Variants in TTC27 observed in about 807,000 individuals in gnomAD.
The protein encoded by TTC27 is tetratricopeptide repeat protein 27.
Under a neutral mutation model 115.9 loss-of-function variants are expected in TTC27, and 79 were observed. The observed-to-expected ratio is 0.68, with a 90% confidence interval of 0.57 to 0.82. The LOEUF is 0.82. Among genes scored for constraint, TTC27 ranks in the 40% least tolerant of loss-of-function variants. The probability of loss-of-function intolerance (pLI) is 0.00; values close to 1 mark genes in which losing one functional copy is unlikely to be tolerated. For synonymous variants in TTC27, 401 were observed against 356.0 expected, an observed-to-expected ratio of 1.13 and a Z score of -1.42; for missense variants, 1,054 against 993.1, an observed-to-expected ratio of 1.06 and a Z score of -0.82.
chr2:32,800,520 CAG>C (rs754285937), intron 16 of TTC27, among the ~76,000 whole-genome samples: 12 of 150,496 alleles, frequency 8.0e-5, no homozygotes, highest in Non-Finnish European at 1.8e-4. Flanking sequence ...TTTTTTGAGA[CAG>C]AGTCTCGCTC....
intron 13 of TTC27, among the ~76,000 whole-genome samples, chr2:32,764,430 T>G (rs1202611103): frequency 2.6e-5 from 4 of 152,216 alleles, no homozygotes; most frequent in Non-Finnish European, 5.9e-5. Context: ...TACCTTAATT[T>G]AAACCTACTT....
intron 10 of TTC27, among the ~76,000 whole-genome samples, chr2:32,717,283 A>AT (rs1187493067): frequency 2.0e-5 from 3 of 151,982 alleles, no homozygotes; most frequent in Non-Finnish European, 2.9e-5. Context: ...CTATATGTTG[A>AT]TTTTTTTAAA....
chr2:32,666,638 C>T lies in TTC27; in HGVS notation c.809C>T (p.Ala270Val). The T allele has an allele frequency of 6.2e-7, 1 of 1,613,432 alleles. No homozygotes were observed. The change falls in exon 7 of 20, where the codon GCT (alanine) becomes GTT (valine). Residue 270 changes from alanine to valine, a missense_variant. Coordinates refer to ENST00000317907, the MANE Select transcript of TTC27 (RefSeq NM_017735.5). ...ISQLQIDLTG[A>V]LGKRTRFQEN... ...TATAATTTTATTGTTTTTTCAGGTG[C>T]TTTGGGAAAAAGAACACGGTTCCAG...
intron 16 of TTC27, among the ~76,000 whole-genome samples, chr2:32,809,559 G>A (rs115088103): frequency 0.01 from 1,529 of 152,284 alleles, 24 homozygotes; most frequent in African/African-American, 0.035. Context: ...AACAAGCTCT[G>A]ATGCCAGTGC....
chr2:32,803,068 C>T (rs1486113780), intron 16 of TTC27, among the ~76,000 whole-genome samples: 1 of 152,230 alleles, frequency 6.6e-6, no homozygotes, highest in African/African-American at 2.4e-5. Flanking sequence ...TGTGACCTTC[C>T]TGGTGAGGCT....
intron 7 of TTC27, among the ~76,000 whole-genome samples, chr2:32,669,008 G>A (rs1665906121): frequency 6.6e-6 from 1 of 152,118 alleles, no homozygotes; most frequent in Admixed American, 6.6e-5. Flanking sequence ...GAACCCGGGA[G>A]GCGGAGCTTG....
At chr2:32,786,381 C>T (rs1339245694) in intron 15 of TTC27, among the ~76,000 whole-genome samples, 2 of 152,110 alleles carry the variant, frequency 1.3e-5, no homozygotes, top group East Asian at 1.9e-4. Context: ...TCAGGTGATC[C>T]ACCCACCTCA....
chr2:32,657,751 C>G (rs1275664133), intron 5 of TTC27, among the ~76,000 whole-genome samples: 1 of 152,116 alleles, frequency 6.6e-6, no homozygotes, highest in African/African-American at 2.4e-5. Flanking sequence ...GGATTCACAT[C>G]CTGGCATTGC....
chr2:32,789,921 CAAAAAA>C (rs34859954), intron 16 of TTC27, among the ~76,000 whole-genome samples: 1 of 25,936 alleles, frequency 3.9e-5, no homozygotes, highest in African/African-American at 1.8e-4. Context: ...ACCCTGTCTC[CAAAAAA>C]AAAAAAAAAA....
chr2:32,655,436 A>C (rs372840612), intron 5 of TTC27, among the ~76,000 whole-genome samples: 1 of 152,194 alleles, frequency 6.6e-6, no homozygotes. Context: ...ATAAGCCACC[A>C]TGCCCAGCCT....
chr2:32,708,175 TCTC>T (rs1002785316), intron 10 of TTC27, among the ~76,000 whole-genome samples: 17 of 151,940 alleles, frequency 1.1e-4, no homozygotes, highest in Non-Finnish European at 2.5e-4. Context: ...TCCTTTTGCT[TCTC>T]CTCCTCAGCC....
chr2:32,723,854 C>T (rs1459700997), intron 10 of TTC27, among the ~76,000 whole-genome samples: 1 of 150,912 alleles, frequency 6.6e-6, no homozygotes, highest in African/African-American at 2.4e-5. Flanking sequence ...GGCTGGAGTG[C>T]AGTGGCATAA....
Position 32,633,862 on chromosome 2 carries a change from A to T in TTC27, c.267-14A>T, listed in dbSNP as rs77790093. The T allele has an allele frequency of 1.2e-6, 2 of 1,610,672 alleles. No homozygotes were observed. Among genetic ancestry groups the T allele is most frequent in the South Asian group, 2.2e-5 (2 of 90,122 alleles). On this transcript the variant is annotated splice_polypyrimidine_tract_variant and intron_variant, in intron 2 of 19. Transcript: ENST00000317907. ...GTAGTTCATATTTATTTCTTTAACC[A>T]TTCTTATATGCAGACAACAGTTGAT...
chr2:32,753,039 G>A (rs1275426023), intron 12 of TTC27, among the ~76,000 whole-genome samples: 1 of 152,178 alleles, frequency 6.6e-6, no homozygotes, highest in Non-Finnish European at 1.5e-5. Context: ...ACTGAGCAGT[G>A]GTCTGGCATT....
At position 32,641,608 on chromosome 2, in the gene TTC27, A is replaced by C. The variant is rs190714916; in HGVS notation, c.537+1198A>C. 2.7e-3 allele frequency among the ~76,000 whole-genome samples: 413 copies of C among 152,346 alleles called. 6 individuals are homozygous for C. Among genetic ancestry groups the C allele is most frequent in the African/African-American group, 9.4e-3 (389 of 41,592 alleles). ...GGTGTGCTGCAGACCCCATAGTGTC[A>C]GAAATAGTACATCTAAATTTTATGT... On this transcript the variant is annotated intron_variant, in intron 4 of 19. Coordinates refer to ENST00000317907, the MANE Select transcript of TTC27 (RefSeq NM_017735.5).
intron 10 of TTC27, among the ~76,000 whole-genome samples, chr2:32,728,649 A>C (rs182219677): frequency 1.8e-4 from 27 of 152,238 alleles, no homozygotes; most frequent in African/African-American, 5.8e-4. Flanking sequence ...AAAGTTGCCA[A>C]CTGTGGTCTT....
intron 3 of TTC27, among the ~76,000 whole-genome samples, chr2:32,637,731 A>T (rs1664482252): frequency 6.6e-6 from 1 of 152,168 alleles, no homozygotes; most frequent in Non-Finnish European, 1.5e-5. Flanking sequence ...TTGAATTTAC[A>T]ACATGATCCG....
chr2:32,645,802 C>T (rs111495906), intron 4 of TTC27, among the ~76,000 whole-genome samples: 6 of 148,644 alleles, frequency 4.0e-5, no homozygotes, highest in African/African-American at 1.5e-4. Flanking sequence ...GTGCAACCTC[C>T]GCCTCCCGGG....
At chr2:32,741,519 G>T (rs559128789) in intron 12 of TTC27, among the ~76,000 whole-genome samples, 65 of 152,094 alleles carry the variant, frequency 4.3e-4, no homozygotes, top group African/African-American at 1.5e-3. Context: ...GGACGTGGTG[G>T]CATGTGCCTG....
Sources: gnomAD v4.1 joint callset for allele counts (sites outside exome capture counted in the v4.1 genomes callset) on GRCh38, gnomAD v4.1.1 for gene constraint, MANE v1.5 for transcripts, NCBI Gene and HGNC (gene_info 2026-07-23, HGNC 2026-07-21) for gene names.